Variants in NEMP2 observed in about 807,000 individuals in gnomAD.
NEMP2 encodes the protein UPF0571 transmembrane protein.
Under a neutral mutation model 54.2 loss-of-function variants are expected in NEMP2, and 53 were observed. The observed-to-expected ratio is 0.98, with a 90% CI of 0.78 to 1.23. NEMP2 has a LOEUF of 1.23. Ranked by LOEUF, NEMP2 falls within the 50% of genes most tolerant of loss-of-function variation. NEMP2 has a pLI of 0.00. For synonymous variants in NEMP2, 197 were observed against 190.3 expected, an observed-to-expected ratio of 1.04 and a Z score of -0.29; for missense variants, 455 against 511.3, an observed-to-expected ratio of 0.89 and a Z score of 1.06.
chr2:190,511,730 T>C (rs183250962), intron 7 of NEMP2, among the ~76,000 whole-genome samples: 1 of 150,730 alleles, frequency 6.6e-6, no homozygotes, highest in Non-Finnish European at 1.5e-5. Flanking sequence ...AATTTGTGTA[T>C]TTTTTAGTAG....
the NEMP2 span, among the ~76,000 whole-genome samples, chr2:190,614,633 C>T: frequency 2.0e-5 from 3 of 152,170 alleles, no homozygotes; most frequent in South Asian, 4.1e-4. This position sits in a 1 kb window ranked among gnomAD's most constrained non-coding sequence, Gnocchi z 5.7. Context: ...TTCAAGTTTA[C>T]GTGATATGAA....
chr2:190,629,723 CAT>C, the NEMP2 span: 2 of 152,158 alleles, frequency 1.3e-5, no homozygotes, highest in Non-Finnish European at 2.9e-5. Context: ...TAGCCAACAC[CAT>C]AGACATCTCA....
At chr2:190,599,726 G>A in the NEMP2 span, among the ~76,000 whole-genome samples, 41 of 152,030 alleles carry the variant, frequency 2.7e-4, no homozygotes, top group African/African-American at 9.2e-4. Flanking sequence ...GCTATGCATC[G>A]AAACTACACT....
downstream of NEMP2, chr2:190,500,422 T>C (rs188158647): frequency 9.9e-4 from 592 of 596,076 alleles, 1 homozygote; most frequent in Non-Finnish European, 1.1e-3. This position sits in a 1 kb window ranked among gnomAD's most constrained non-coding sequence, Gnocchi z 5.3. Flanking sequence ...CGTAATCTCA[T>C]TGGAATTACA....
the NEMP2 span, chr2:190,436,466 A>G: frequency 3.7e-6 from 6 of 1,614,164 alleles, no homozygotes; most frequent in African/African-American, 1.3e-5. This position sits in a 1 kb window ranked among gnomAD's most constrained non-coding sequence, Gnocchi z 5.3. Flanking sequence ...GTTTTATTCA[A>G]CCTGGGCATT....
At chr2:190,488,883 C>T in the NEMP2 span, 1 of 1,391,418 alleles carries the variant, frequency 7.2e-7, no homozygotes, top group Non-Finnish European at 9.6e-7. The surrounding 1 kb of genome is among the most constrained non-coding windows in gnomAD (Gnocchi z 6.4). Flanking sequence ...CCAGCAATAC[C>T]TCAATAAACA....
At chr2:190,489,446 A>G in the NEMP2 span, among the ~76,000 whole-genome samples, 1,264 of 152,318 alleles carry the variant, frequency 8.3e-3, 13 homozygotes, top group African/African-American at 0.028. The surrounding 1 kb of genome is among the most constrained non-coding windows in gnomAD (Gnocchi z 6.6). Flanking sequence ...GCTGTTAGTT[A>G]ATAATTGGGT....
the NEMP2 span, among the ~76,000 whole-genome samples, chr2:190,604,466 C>T: frequency 0.79 from 120,052 of 152,118 alleles, 47,599 homozygotes; most frequent in South Asian, 0.83. This position sits in a 1 kb window ranked among gnomAD's most constrained non-coding sequence, Gnocchi z 4.5. Flanking sequence ...TTTCCATCTG[C>T]GCGCTTGAAC....
chr2:190,579,763 A>G, the NEMP2 span, among the ~76,000 whole-genome samples: 2 of 152,274 alleles, frequency 1.3e-5, no homozygotes, highest in African/African-American at 2.4e-5. Flanking sequence ...AAAGTATTCA[A>G]TAAAAACAGG....
the NEMP2 span, among the ~76,000 whole-genome samples, chr2:190,563,748 G>T: frequency 6.6e-6 from 1 of 152,204 alleles, no homozygotes; most frequent in African/African-American, 2.4e-5. The surrounding 1 kb of genome is among the most constrained non-coding windows in gnomAD (Gnocchi z 4.3). Flanking sequence ...TTGTAATGAT[G>T]GTGTCTGAGC....
chr2:190,570,253 A>G, the NEMP2 span, among the ~76,000 whole-genome samples: 1 of 152,242 alleles, frequency 6.6e-6, no homozygotes, highest in Non-Finnish European at 1.5e-5. The surrounding 1 kb of genome is among the most constrained non-coding windows in gnomAD (Gnocchi z 5.4). Context: ...GTATAAGAAA[A>G]TTTGCATATC....
At chr2:190,556,289 T>C in the NEMP2 span, among the ~76,000 whole-genome samples, 1 of 152,182 alleles carries the variant, frequency 6.6e-6, no homozygotes, top group African/African-American at 2.4e-5. Flanking sequence ...CTCTTCATGC[T>C]AAAAACTCTC....
At chr2:190,559,601 G>A in the NEMP2 span, among the ~76,000 whole-genome samples, 1 of 152,210 alleles carries the variant, frequency 6.6e-6, no homozygotes, top group Non-Finnish European at 1.5e-5. The surrounding 1 kb of genome is among the most constrained non-coding windows in gnomAD (Gnocchi z 4.0). Flanking sequence ...AGAAGAGGAC[G>A]TTTCAGGAGG....
At chr2:190,639,642 T>G in the NEMP2 span, among the ~76,000 whole-genome samples, 57 of 151,934 alleles carry the variant, frequency 3.8e-4, no homozygotes, top group East Asian at 1.9e-3. Context: ...TTGAGTTTTT[T>G]TTTTTTGTTT....
At chr2:190,554,852 A>G in the NEMP2 span, among the ~76,000 whole-genome samples, 7 of 152,232 alleles carry the variant, frequency 4.6e-5, no homozygotes, top group African/African-American at 1.7e-4. This position sits in a 1 kb window ranked among gnomAD's most constrained non-coding sequence, Gnocchi z 5.7. Context: ...ACACCCAGGT[A>G]TCCTGACTGG....
At chr2:190,587,899 G>C in the NEMP2 span, among the ~76,000 whole-genome samples, 1 of 152,194 alleles carries the variant, frequency 6.6e-6, no homozygotes, top group Admixed American at 6.5e-5. This position sits in a 1 kb window ranked among gnomAD's most constrained non-coding sequence, Gnocchi z 5.4. Context: ...CACTGTAACA[G>C]CCAGCACTAA....
At chr2:190,460,087 C>A in the NEMP2 span, among the ~76,000 whole-genome samples, 1 of 152,170 alleles carries the variant, frequency 6.6e-6, no homozygotes, top group Non-Finnish European at 1.5e-5. Context: ...TCTTACTCTT[C>A]TGGTGAGATA....
the NEMP2 span, among the ~76,000 whole-genome samples, chr2:190,444,436 T>C: frequency 6.6e-6 from 1 of 152,212 alleles, no homozygotes; most frequent in Non-Finnish European, 1.5e-5. Flanking sequence ...TGTCAGTTTT[T>C]AAAATGTGAA....
At chr2:190,564,994 C>T in the NEMP2 span, among the ~76,000 whole-genome samples, 1 of 152,140 alleles carries the variant, frequency 6.6e-6, no homozygotes. This position sits in a 1 kb window ranked among gnomAD's most constrained non-coding sequence, Gnocchi z 4.2. Context: ...GAAGGAAGCT[C>T]AAGACTTGGA....
Sources: gnomAD v4.1 joint callset for allele counts (sites outside exome capture counted in the v4.1 genomes callset) on GRCh38, gnomAD v4.1.1 for gene constraint, Gnocchi (gnomAD v3.1) non-coding constraint, MANE v1.5 for transcripts, NCBI Gene and HGNC (gene_info 2026-07-23, HGNC 2026-07-21) for gene names.